Variants in PRSS27 observed in about 807,000 individuals in gnomAD.
PRSS27 encodes serine protease 27.
A neutral mutation model predicts 32.0 loss-of-function variants in PRSS27; 25 were observed. The ratio of observed to expected loss-of-function variants is 0.78; its 90% CI spans 0.57 to 1.09. The LOEUF is 1.09. Ranked by LOEUF, PRSS27 falls within the 50% of genes least tolerant of loss-of-function variation. PRSS27 has a pLI of 0.00. For synonymous variants in PRSS27, 178 were observed against 172.2 expected (o/e 1.03, Z -0.26); for missense variants, 401 against 394.9 (o/e 1.02, Z -0.13).
chr16:2,712,480 G>A lies in PRSS27; in HGVS notation c.*140C>T, dbSNP rs939242191. On this transcript the variant is annotated 3_prime_UTR_variant, in exon 6 of 6. Transcript: ENST00000302641. This position sits in a 1 kb window ranked among gnomAD's most constrained non-coding sequence, Gnocchi z 4.6. ...ATAAATAAAATAAGGGTATTTGAGA[G>A]GGGAGGAAGGAGCGCTATTTACAAA... The A allele has an allele frequency of 8.9e-6, 6 of 674,012 alleles. No individual in the cohort carries two copies. Among genetic ancestry groups the A allele is most frequent in the Non-Finnish European group, 7.3e-6 (3 of 412,026 alleles). 41.8% of individuals were successfully genotyped at this position (674,012 alleles called of 1,614,324 possible).
Position 2,713,596 on chromosome 16 carries a change from T to G in PRSS27, c.611A>C (p.Gln204Pro), listed in dbSNP as rs1299752886. 2 of 1,614,076 alleles carry G rather than the reference T, an allele frequency of 1.2e-6. No individual in the cohort carries two copies. The highest frequency in any genetic ancestry group is 1.7e-6 in the Non-Finnish European group (2 of 1,180,038). The change falls in exon 5 of 6, where the codon CAA becomes CCA. Residue 204 changes from glutamine (Q) to proline (P), a missense_variant. Coordinates refer to ENST00000302641, the MANE Select transcript of PRSS27 (RefSeq NM_031948.5). Reference sequence around the variant, plus strand: ...CATGTCATTCTTGATGGTTTTGGGTTGGTAGCCAAACTCGGTGTCTTTGCT... The same window carrying G: ...CATGTCATTCTTGATGGTTTTGGGTGGGTAGCCAAACTCGGTGTCTTTGCT... ...LYSKDTEFGY[Q>P]PKTIKNDMLC...
Position 2,712,617 on chromosome 16 carries a change from G to A in PRSS27, c.*3C>T, listed in dbSNP as rs756829378. 6.3e-7 allele frequency: 1 copy of A among 1,576,326 alleles called. No homozygotes were observed. Among genetic ancestry groups the A allele is most frequent in the Non-Finnish European group, 8.6e-7 (1 of 1,160,636 alleles). On this transcript the variant is annotated 3_prime_UTR_variant, in exon 6 of 6. Coordinates refer to ENST00000302641, the MANE Select transcript of PRSS27 (RefSeq NM_031948.5). The surrounding 1 kb of genome is among the most constrained non-coding windows in gnomAD (Gnocchi z 4.6). Reference sequence around the variant, plus strand: ...GCTCAAGGGGCTCCTGGCCCCGGGGGTCTCACTTCTGGCCGCCCAACCTCG... The same window carrying A: ...GCTCAAGGGGCTCCTGGCCCCGGGGATCTCACTTCTGGCCGCCCAACCTCG...
chr16:2,716,620 C>T (rs2067704012), intron 1 of PRSS27, 94 bp from the exon 2 acceptor site: 1 of 1,219,810 alleles, frequency 8.2e-7, no homozygotes. Flanking sequence ...CTCCCCAGCT[C>T]CTGAGGACTC....
At chr16:2,718,733 C>T (rs1236336584) in intron 1 of PRSS27, among the ~76,000 whole-genome samples, 1 of 152,220 alleles carries the variant, frequency 6.6e-6, no homozygotes, top group Non-Finnish European at 1.5e-5. Context: ...CTTGAGCTCT[C>T]TGTCCTGATG....
In PRSS27 at chr16:2,712,553, G is replaced by A; in HGVS notation, c.*67C>T. On this transcript the variant is annotated 3_prime_UTR_variant, in exon 6 of 6. Transcript: ENST00000302641. This position sits in a 1 kb window ranked among gnomAD's most constrained non-coding sequence, Gnocchi z 4.6. ...TGCAACAGCAGCGCTGGGAGGACCA[G>A]CAGGATGGTGTGGGCGGGCAGGCTG... The A allele has an allele frequency of 7.1e-7, 1 of 1,404,542 alleles. No individual in the cohort carries two copies. The allele number at this position is 1,404,542 out of a possible 1,614,324, so 87.0% of individuals were successfully genotyped here.
intron 1 of PRSS27, 153 bp from the exon 2 acceptor site, chr16:2,716,679 C>G: frequency 1.4e-6 from 1 of 727,424 alleles, no homozygotes; most frequent in Non-Finnish European, 2.3e-6. Context: ...CAAGGGCCTG[C>G]AGTTTCCCCC....
chr16:2,717,858 C>T lies in PRSS27; in HGVS notation c.47-1332G>A. On this transcript the variant is annotated intron_variant, in intron 1 of 5. Coordinates refer to ENST00000302641, the MANE Select transcript of PRSS27 (RefSeq NM_031948.5). This position sits in a 1 kb window ranked among gnomAD's most constrained non-coding sequence, Gnocchi z 4.1. ...GATAAGGCAGCGGGCGGCGAGGGGG[C>T]AGCTGTGGATGGGCAGGAGGAGGAG... is the stretch of plus-strand genomic sequence containing the variant. 6.6e-6 allele frequency: 1 copy of T among 152,542 alleles called. No homozygotes were observed. Among genetic ancestry groups the T allele is most frequent in the African/African-American group, 2.4e-5 (1 of 41,520 alleles). The allele number at this position is 152,542 out of a possible 1,614,324, so 9.4% of individuals were successfully genotyped here.
rs2067727492 is a variant in PRSS27, at chr16:2,720,213, T to A, written c.-53A>T. On this transcript the variant is annotated 5_prime_UTR_variant, in exon 1 of 6. Transcript: ENST00000302641. ...CCGTGGTCGGCGGTGGCAGAAGCGTTGGAGCACGAGCGAGGTGCAGGCTCC... is the reference window on the plus strand; with the variant it reads ...CCGTGGTCGGCGGTGGCAGAAGCGTAGGAGCACGAGCGAGGTGCAGGCTCC... 1 of 1,506,376 alleles carries A rather than the reference T, an allele frequency of 6.6e-7. No individual in the cohort carries two copies. The highest frequency in any genetic ancestry group is 9.0e-7 in the Non-Finnish European group (1 of 1,106,492). The allele number at this position is 1,506,376 out of a possible 1,614,324, so 93.3% of individuals were successfully genotyped here. A position where few individuals can be genotyped will look rare whatever the true frequency, so the allele number is the denominator to read the frequency against.
In PRSS27 at chr16:2,717,177, C is replaced by T. The variant is rs757167; in HGVS notation, c.47-651G>A. 1,531 of 152,740 alleles carry T rather than the reference C, an allele frequency of 0.01. 8 individuals carry two copies. Among genetic ancestry groups the T allele is most frequent in the Non-Finnish European group, 0.014 (925 of 68,402 alleles). 9.5% of individuals were successfully genotyped at this position (152,740 alleles called of 1,614,324 possible). On this transcript the variant is annotated intron_variant, in intron 1 of 5. Transcript: ENST00000302641. This position sits in a 1 kb window ranked among gnomAD's most constrained non-coding sequence, Gnocchi z 4.1. ...CAGAGTCCCAAGAGCTGACCCCTCT[C>T]CCAGGCATGCAGCAGGCTTGGCAGA...
intron 1 of PRSS27, 82 bp downstream of exon 1, chr16:2,720,033 G>A: frequency 1.5e-6 from 2 of 1,303,896 alleles, no homozygotes; most frequent in Non-Finnish European, 2.2e-6. Context: ...CAGGGAGTAG[G>A]GGGCTGAGCC....
In PRSS27 at chr16:2,712,892, T is replaced by C; in HGVS notation, c.679-78A>G. 3.4e-6 allele frequency: 4 copies of C among 1,160,926 alleles called. No homozygotes were observed. The highest frequency in any genetic ancestry group is 3.5e-6 in the Non-Finnish European group (3 of 846,724). The allele number at this position is 1,160,926 out of a possible 1,614,324, so 71.9% of individuals were successfully genotyped here. A position where few individuals can be genotyped will look rare whatever the true frequency, so the allele number is the denominator to read the frequency against. ...CAGTTGCAGCCGCACAGGAGGTGTG[T>C]AGCTCCGCAATGGATTCCTTCTCTC... On this transcript the variant is annotated intron_variant, in intron 5 of 5. Transcript: ENST00000302641. The surrounding 1 kb of genome is among the most constrained non-coding windows in gnomAD (Gnocchi z 4.6).
chr16:2,716,126 G>A (rs1440958451), intron 2 of PRSS27: 3 of 531,246 alleles, frequency 5.6e-6, no homozygotes, highest in Admixed American at 3.4e-5. Context: ...TGGGGGCCAC[G>A]GAGGCACTGA....
At chr16:2,716,080 C>T (rs930784491) in intron 2 of PRSS27, 200 bp from the exon 3 acceptor site, 13 of 524,090 alleles carry the variant, frequency 2.5e-5, no homozygotes, top group African/African-American at 2.3e-4. Flanking sequence ...AAGTCTCACT[C>T]TCCTCGCCGA....
rs747793899 is a variant in PRSS27, at chr16:2,714,035, C to T, written c.508+30G>A. ...GTCCTGGGCCTTCTTGAGGCATATC[C>T]CCCATTCTTTCCCAGCCCTGTCCCC... On this transcript the variant is annotated intron_variant, in intron 4 of 5. Transcript: ENST00000302641. This position sits in a 1 kb window ranked among gnomAD's most constrained non-coding sequence, Gnocchi z 4.7. 24 of 1,577,404 alleles carry T rather than the reference C, an allele frequency of 1.5e-5. No homozygotes were observed. Among genetic ancestry groups the T allele is most frequent in the Non-Finnish European group, 2.1e-5 (24 of 1,160,230 alleles).
chr16:2,720,004 C>T (rs2067725319), intron 1 of PRSS27, 111 bp downstream of exon 1: 2 of 1,048,328 alleles, frequency 1.9e-6, no homozygotes, highest in Non-Finnish European at 2.8e-6. Flanking sequence ...ATGGCCTGTC[C>T]CACAGCCCCA....
intron 2 of PRSS27, 44 bp from the exon 3 acceptor site, chr16:2,715,924 G>A (rs978914347): frequency 5.4e-6 from 8 of 1,484,870 alleles, no homozygotes; most frequent in Non-Finnish European, 7.2e-6. Flanking sequence ...ACTGGGGCTG[G>A]TTCCATGGCC....
chr16:2,713,598 G>A lies in PRSS27; in HGVS notation c.609C>T (p.Tyr203=). ...TGTCATTCTTGATGGTTTTGGGTTGGTAGCCAAACTCGGTGTCTTTGCTGT... is the reference window on the plus strand; with the variant it reads ...TGTCATTCTTGATGGTTTTGGGTTGATAGCCAAACTCGGTGTCTTTGCTGT... ...LLYSKDTEFG[Y]QPKTIKNDML... Residue 203 remains tyrosine (Y), a synonymous_variant, in exon 5 of 6, where the codon TAC becomes TAT. Coordinates refer to ENST00000302641, the MANE Select transcript of PRSS27 (RefSeq NM_031948.5). 1.2e-6 allele frequency: 2 copies of A among 1,614,206 alleles called. No homozygotes were observed. Among genetic ancestry groups the A allele is most frequent in the Non-Finnish European group, 8.5e-7 (1 of 1,180,040 alleles).
Position 2,714,403 on chromosome 16 carries a change from G to C in PRSS27, c.237-67C>G. The C allele has an allele frequency of 1.9e-6, 3 of 1,540,382 alleles. No individual in the cohort carries two copies. Among genetic ancestry groups the C allele is most frequent in the Non-Finnish European group, 2.6e-6 (3 of 1,142,494 alleles). On this transcript the variant is annotated intron_variant, in intron 3 of 5. Coordinates refer to ENST00000302641, the MANE Select transcript of PRSS27 (RefSeq NM_031948.5). The surrounding 1 kb of genome is among the most constrained non-coding windows in gnomAD (Gnocchi z 4.7). The stretch of plus-strand genomic sequence containing the variant: ...TGTGGGGACAGGCCCGGGAGGGGCT[G>C]GGGCTCCTCTGGCCACCACCGTGCC...
At chr16:2,713,892 C>A (rs913762819) in intron 4 of PRSS27, among the ~76,000 whole-genome samples, 173 bp downstream of exon 4, 1 of 152,184 alleles carries the variant, frequency 6.6e-6, no homozygotes, top group South Asian at 2.1e-4. Flanking sequence ...CTCCCTTCAC[C>A]CCCTCTTCCT....
Sources: gnomAD v4.1 joint callset for allele counts (sites outside exome capture counted in the v4.1 genomes callset) on GRCh38, gnomAD v4.1.1 for gene constraint, Gnocchi (gnomAD v3.1) non-coding constraint, MANE v1.5 for transcripts, NCBI Gene and HGNC (gene_info 2026-07-23, HGNC 2026-07-21) for gene names.